The following ARHGEF28 variants were observed in gnomAD, a reference collection of about 807,000 sequenced individuals.
The protein encoded by ARHGEF28 is Rho guanine nucleotide exchange factor 28, also known as 190 kDa guanine nucleotide exchange factor.
Under a neutral mutation model 206.6 loss-of-function variants are expected in ARHGEF28, and 152 were observed. The ratio of observed to expected loss-of-function variants is 0.74; its 90% CI spans 0.64 to 0.84. The LOEUF is 0.84. ARHGEF28 is among the 40% of genes least tolerant of loss of function. ARHGEF28 has a pLI of 0.00. For synonymous variants in ARHGEF28, 763 were observed against 776.4 expected, an observed-to-expected ratio of 0.98 and a Z score of 0.29; for missense variants, 2,028 against 2,073.2, an observed-to-expected ratio of 0.98 and a Z score of 0.42.
At chr5:73,874,535 A>G (rs1760319260) in intron 22 of ARHGEF28, among the ~76,000 whole-genome samples, 1 of 139,142 alleles carries the variant, frequency 7.2e-6, no homozygotes, top group Non-Finnish European at 1.6e-5. Flanking sequence ...AGCATTAGGT[A>G]TATCTCCTAA....
At chr5:73,897,711 A>G (rs192618255) in intron 29 of ARHGEF28, among the ~76,000 whole-genome samples, 42 of 152,378 alleles carry the variant, frequency 2.8e-4, no homozygotes, top group African/African-American at 1.0e-3. Flanking sequence ...AACTTTTCCT[A>G]TAAAGGGCCA....
At chr5:73,774,092 A>G (rs1360808829) in intron 5 of ARHGEF28, 54 bp downstream of exon 5, 2 of 1,465,954 alleles carry the variant, frequency 1.4e-6, no homozygotes, top group Non-Finnish European at 1.8e-6. Flanking sequence ...TCGGCCAAGC[A>G]TTATAGAAAA....
At chr5:73,881,013 T>C (rs1760889576) in intron 22 of ARHGEF28, among the ~76,000 whole-genome samples, 1 of 149,388 alleles carries the variant, frequency 6.7e-6, no homozygotes, top group South Asian at 2.1e-4. Flanking sequence ...GTGCAGGTTA[T>C]GAGACTTAGT....
chr5:73,928,932 TATTTA>T lies in ARHGEF28; in HGVS notation c.4949-11911_4949-11907del, dbSNP rs1418945763. ...CTCAGAAAAAGTTCTGACTTCTTTT[TATTTA>T]TTTATTTATTTATTTTGAGACGGAG... On this transcript the variant is annotated intron_variant, in intron 35 of 35. Coordinates refer to ENST00000513042, the MANE Select transcript of ARHGEF28 (RefSeq NM_001177693.2). 3.7e-5 allele frequency among the ~76,000 whole-genome samples: 5 copies of T among 133,550 alleles called. No homozygotes were observed. The East Asian group carries it at 1.0e-3, about 28-fold the overall frequency. 87.6% of individuals were successfully genotyped at this position (133,550 alleles called of 152,430 possible).
chr5:73,706,842 C>G (rs946144122), intron 2 of ARHGEF28, among the ~76,000 whole-genome samples: 3 of 152,164 alleles, frequency 2.0e-5, no homozygotes, highest in African/African-American at 4.8e-5. Flanking sequence ...CTTCTCTCCT[C>G]CCTTCCTGCT....
intron 8 of ARHGEF28, among the ~76,000 whole-genome samples, chr5:73,794,867 C>T (rs188490206): frequency 2.0e-5 from 3 of 152,278 alleles, no homozygotes; most frequent in African/African-American, 7.2e-5. Flanking sequence ...TCGGTCTCCC[C>T]AAGTGCTGGG....
rs943168043 is a variant in ARHGEF28 at position 73,679,197 on chromosome 5, A to G, written c.-11-5644A>G. On this transcript the variant is annotated intron_variant, in intron 1 of 35. Coordinates refer to ENST00000513042, the MANE Select transcript of ARHGEF28 (RefSeq NM_001177693.2). ...AAAAATTTACAGAATGCCATGTGAG[A>G]GCTTTTGTAGGTAGCAAACTTTAAA... Among the ~76,000 whole-genome samples, 3 of 152,256 alleles carry G rather than the reference A, an allele frequency of 2.0e-5. No homozygotes were observed. In the East Asian group the frequency reaches 5.8e-4, roughly 29 times the overall value.
At chr5:73,872,006 T>G (rs1013680103) in intron 21 of ARHGEF28, among the ~76,000 whole-genome samples, 1 of 152,188 alleles carries the variant, frequency 6.6e-6, no homozygotes, top group Admixed American at 6.5e-5. Context: ...ATTTTGGGTT[T>G]TTCCACTTTT....
At chr5:73,854,763 C>T (rs1046199086) in intron 14 of ARHGEF28, among the ~76,000 whole-genome samples, 8 of 151,542 alleles carry the variant, frequency 5.3e-5, no homozygotes, top group South Asian at 2.1e-4. Flanking sequence ...ACCTGGAACG[C>T]GGAGGTTGCA....
chr5:73,822,906 C>T (rs752017240), intron 9 of ARHGEF28, among the ~76,000 whole-genome samples: 4 of 152,210 alleles, frequency 2.6e-5, no homozygotes, highest in Non-Finnish European at 4.4e-5. Flanking sequence ...GGATTATAGG[C>T]ATGAGCCACT....
rs139582683 is a variant in ARHGEF28 at position 73,893,740 on chromosome 5, G to A, written c.3658+452G>A. 3.0e-4 allele frequency among the ~76,000 whole-genome samples: 46 copies of A among 152,244 alleles called. 1 individual carries two copies. The East Asian group carries it at 7.2e-3, about 24-fold the overall frequency. The stretch of plus-strand genomic sequence containing the variant: ...TCAGTTGAGAGGTCTTTAAAAATAC[G>A]GATGCCTGGGCCTCACCCTCCACCG... On this transcript the variant is annotated intron_variant, in intron 28 of 35. Coordinates refer to ENST00000513042, the MANE Select transcript of ARHGEF28 (RefSeq NM_001177693.2).
intron 1 of ARHGEF28, among the ~76,000 whole-genome samples, chr5:73,647,237 C>T (rs1008835639): frequency 6.6e-6 from 1 of 152,030 alleles, no homozygotes; most frequent in Non-Finnish European, 1.5e-5. Context: ...TGTACAATTA[C>T]CTTTAGGCTA....
intron 1 of ARHGEF28, among the ~76,000 whole-genome samples, chr5:73,648,966 T>C (rs1025726764): frequency 3.9e-5 from 6 of 152,204 alleles, no homozygotes; most frequent in Non-Finnish European, 8.8e-5. Flanking sequence ...GAAAATAAGA[T>C]TTATAGCAGT....
chr5:73,749,651 A>G (rs182095889), intron 2 of ARHGEF28, among the ~76,000 whole-genome samples, 186 bp from the exon 3 acceptor site: 14 of 152,324 alleles, frequency 9.2e-5, no homozygotes, highest in Admixed American at 7.8e-4. Context: ...ACCTAAATAC[A>G]TCAGGAAGCA....
chr5:73,740,733 G>C (rs1751331211), intron 2 of ARHGEF28, among the ~76,000 whole-genome samples: 1 of 152,138 alleles, frequency 6.6e-6, no homozygotes. Flanking sequence ...CTCTGAACGT[G>C]TTGTCAGCTT....
intron 12 of ARHGEF28, among the ~76,000 whole-genome samples, chr5:73,847,389 C>T (rs1758430729): frequency 6.6e-6 from 1 of 151,864 alleles, no homozygotes; most frequent in Non-Finnish European, 1.5e-5. Flanking sequence ...GAGTTCTGTC[C>T]AGCTTTGTGT....
intron 1 of ARHGEF28, among the ~76,000 whole-genome samples, chr5:73,674,230 C>T (rs912277177): frequency 2.4e-4 from 36 of 152,266 alleles, no homozygotes; most frequent in African/African-American, 8.2e-4. Flanking sequence ...GCAGCTTGTT[C>T]CCAAGCCTGT....
At chr5:73,893,511 A>G in intron 28 of ARHGEF28, 2 of 417,782 alleles carry the variant, frequency 4.8e-6, no homozygotes, top group Non-Finnish European at 4.2e-6. Flanking sequence ...AATGCACATA[A>G]CATATATGAA....
intron 6 of ARHGEF28, among the ~76,000 whole-genome samples, chr5:73,780,113 A>C (rs561654995): frequency 6.6e-6 from 1 of 152,282 alleles, no homozygotes; most frequent in East Asian, 1.9e-4. Context: ...TGTCAAAAGG[A>C]AATTCGGATG....
Sources: gnomAD v4.1 joint callset for allele counts (sites outside exome capture counted in the v4.1 genomes callset) on GRCh38, gnomAD v4.1.1 for gene constraint, MANE v1.5 for transcripts, NCBI Gene and HGNC (gene_info 2026-07-23, HGNC 2026-07-21) for gene names.